Variants in FBXL13 observed in about 807,000 individuals in gnomAD.
The protein encoded by FBXL13 is F-box and leucine rich repeat protein 13.
In FBXL13, 67 loss-of-function variants were observed where a neutral mutation model predicts 83.6. The observed-to-expected ratio is 0.80, with a 90% confidence interval of 0.66 to 0.98. FBXL13 has a LOEUF of 0.98. FBXL13 is among the 50% of genes least tolerant of loss of function. FBXL13 has a pLI of 0.00. For missense variants in FBXL13, 822 were observed against 866.5 expected, an observed-to-expected ratio of 0.95 and a Z score of 0.64; for synonymous variants, 272 against 299.5, an observed-to-expected ratio of 0.91 and a Z score of 0.95.
At chr7:103,024,133 AAAAGAGAGAGAGAG>A (rs1793551121) in intron 6 of FBXL13, among the ~76,000 whole-genome samples, 3 of 70,660 alleles carry the variant, frequency 4.2e-5, no homozygotes, top group Admixed American at 1.9e-4. Flanking sequence ...ATAAAAGTTA[AAAAGAGAGAGAGAG>A]AGAGAGAGAG....
intron 10 of FBXL13, among the ~76,000 whole-genome samples, chr7:102,917,895 C>T (rs1410454235): frequency 6.6e-6 from 1 of 152,098 alleles, no homozygotes; most frequent in Non-Finnish European, 1.5e-5. Flanking sequence ...TTAGAGGCAA[C>T]AAATTTCCTG....
intron 10 of FBXL13, among the ~76,000 whole-genome samples, chr7:102,914,161 A>G (rs985348691): frequency 2.0e-5 from 3 of 151,750 alleles, no homozygotes; most frequent in Non-Finnish European, 4.4e-5. Context: ...CACTCCCCCA[A>G]CCCCTGGTTC....
chr7:102,957,583 C>G (rs1462359713), intron 8 of FBXL13, among the ~76,000 whole-genome samples: 1 of 152,022 alleles, frequency 6.6e-6, no homozygotes, highest in Non-Finnish European at 1.5e-5. Flanking sequence ...AAACTGCCAT[C>G]AGAGTGAATA....
intron 18 of FBXL13, among the ~76,000 whole-genome samples, chr7:102,829,536 G>T (rs1291410069): frequency 6.6e-6 from 1 of 151,984 alleles, no homozygotes; most frequent in African/African-American, 2.4e-5. Flanking sequence ...CCCACTTCAC[G>T]TCGGTCATGA....
At chr7:103,065,179 A>G (rs985953132) in intron 1 of FBXL13, among the ~76,000 whole-genome samples, 1 of 152,188 alleles carries the variant, frequency 6.6e-6, no homozygotes, top group Non-Finnish European at 1.5e-5. Context: ...CTGAAAAAAA[A>G]AGCCTAGCCA....
intron 17 of FBXL13, among the ~76,000 whole-genome samples, chr7:102,837,153 C>A (rs1802128925): frequency 6.6e-6 from 1 of 152,222 alleles, no homozygotes; most frequent in South Asian, 2.1e-4. Flanking sequence ...AGCTACACTC[C>A]ACCAACAATG....
At chr7:102,970,985 T>G (rs1463819182) in intron 6 of FBXL13, among the ~76,000 whole-genome samples, 3 of 152,132 alleles carry the variant, frequency 2.0e-5, no homozygotes, top group African/African-American at 7.2e-5. Context: ...CTTTACAGAA[T>G]TTCCAGGAGG....
chr7:102,830,787 C>T (rs371810533), intron 18 of FBXL13, among the ~76,000 whole-genome samples: 27 of 152,240 alleles, frequency 1.8e-4, no homozygotes, highest in South Asian at 8.3e-4. Flanking sequence ...GAAGAGAACA[C>T]GATTGTTAAT....
chr7:102,943,541 G>T (rs1821879457), intron 8 of FBXL13, among the ~76,000 whole-genome samples: 1 of 152,112 alleles, frequency 6.6e-6, no homozygotes, highest in African/African-American at 2.4e-5. Flanking sequence ...AGTAACGAAA[G>T]AAACACTTTC....
At chr7:102,963,739 A>T (rs1372199787) in intron 7 of FBXL13, 74 bp from the exon 9 acceptor site, 1 of 1,425,976 alleles carries the variant, frequency 7.0e-7, no homozygotes, top group African/African-American at 1.4e-5. Flanking sequence ...ACAATAATAG[A>T]CAAATGTGAC....
At chr7:103,038,742 GA>G (rs1156630192) in intron 2 of FBXL13, among the ~76,000 whole-genome samples, 4 of 152,154 alleles carry the variant, frequency 2.6e-5, no homozygotes, top group Non-Finnish European at 5.9e-5. Context: ...ACTGTTAAAG[GA>G]AAACTAACAA....
intron 11 of FBXL13, among the ~76,000 whole-genome samples, chr7:102,906,606 T>G (rs1293467838): frequency 6.6e-6 from 1 of 152,234 alleles, no homozygotes; most frequent in African/African-American, 2.4e-5. Flanking sequence ...AAGGATATTT[T>G]TACCAGACAT....
intron 10 of FBXL13, among the ~76,000 whole-genome samples, chr7:102,924,641 C>CTTTTTTTT (rs71106699): frequency 8.3e-6 from 1 of 121,038 alleles, no homozygotes; most frequent in Non-Finnish European, 1.7e-5. Context: ...GTAAGCTTTT[C>CTTTTTTTT]TTTTTTTTTT....
intron 18 of FBXL13, among the ~76,000 whole-genome samples, chr7:102,829,907 G>C (rs944979638): frequency 6.6e-6 from 1 of 152,126 alleles, no homozygotes; most frequent in Non-Finnish European, 1.5e-5. Flanking sequence ...GTGAGTTGAG[G>C]AGTATTCAGA....
At chr7:102,899,271 G>A (rs1028173180) in intron 11 of FBXL13, among the ~76,000 whole-genome samples, 1 of 152,226 alleles carries the variant, frequency 6.6e-6, no homozygotes, top group African/African-American at 2.4e-5. Context: ...ACTCAACAGA[G>A]TTGTATCAGT....
chr7:103,013,459 T>C (rs1177256067), intron 6 of FBXL13, among the ~76,000 whole-genome samples: 1 of 152,028 alleles, frequency 6.6e-6, no homozygotes. Flanking sequence ...GCAATAAATA[T>C]AGAAATTAAT....
chr7:102,900,313 G>A lies in FBXL13; in HGVS notation c.1008+12773C>T, dbSNP rs78468687. Among the ~76,000 whole-genome samples, 580 of 152,162 alleles carry A rather than the reference G, an allele frequency of 3.8e-3. 5 individuals are homozygous for A. The highest frequency in any genetic ancestry group is 0.014 in the African/African-American group (562 of 41,484). ...GGACAGGGAGGCTGTTTTATTCATC[G>A]CAGTGCCCAGTATGCATCAGGCACT... On this transcript the variant is annotated intron_variant, in intron 11 of 19. Transcript: ENST00000313221.
At chr7:102,954,232 G>T (rs182835302) in intron 8 of FBXL13, among the ~76,000 whole-genome samples, 282 of 152,126 alleles carry the variant, frequency 1.9e-3, no homozygotes, top group Non-Finnish European at 3.6e-3. Context: ...CCCAAATACT[G>T]CACTTTAACA....
intron 18 of FBXL13, among the ~76,000 whole-genome samples, chr7:102,827,659 A>G (rs1799968270): frequency 6.6e-6 from 1 of 151,994 alleles, no homozygotes; most frequent in Non-Finnish European, 1.5e-5. Context: ...TATATCTCGT[A>G]ATGCTATTCC....
Sources: gnomAD v4.1 joint callset for allele counts (sites outside exome capture counted in the v4.1 genomes callset) on GRCh38, gnomAD v4.1.1 for gene constraint, MANE v1.5 for transcripts, NCBI Gene and HGNC (gene_info 2026-07-23, HGNC 2026-07-21) for gene names.